KANK1: variants seen among roughly 807,000 people sequenced by gnomAD.
The protein encoded by KANK1 is KN motif and ankyrin repeat domain-containing protein 1.
A neutral mutation model predicts 106.2 loss-of-function variants in KANK1; 109 were observed. The observed-to-expected ratio is 1.03, with a 90% CI of 0.88 to 1.20. The LOEUF (loss-of-function observed/expected upper bound fraction) is 1.20, where lower values mean the gene tolerates loss of function less well. Ranked by LOEUF, KANK1 falls within the 50% of genes most tolerant of loss-of-function variation. The pLI, the probability that KANK1 is intolerant of heterozygous loss-of-function variation, is 0.00. For missense variants in KANK1, 2,399 were observed against 1,710.7 expected (o/e 1.40, Z -7.10); for synonymous variants, 873 against 652.2 (o/e 1.34, Z -5.16).
intron 1 of KANK1, among the ~76,000 whole-genome samples, chr9:565,179 G>T (rs528343620): frequency 1.3e-5 from 2 of 152,186 alleles, no homozygotes; most frequent in African/African-American, 2.4e-5. Context: ...AAATTAATCA[G>T]AGAGCTGGAG....
In KANK1 at chr9:732,362, C is replaced by T. The variant is rs201388080; in HGVS notation, c.3006-16C>T. On this transcript the variant is annotated splice_polypyrimidine_tract_variant and intron_variant, in intron 5 of 11. Transcript: ENST00000382297. ...GAGCACACCTTGCATCTCCTGAAAT[C>T]CCAATTGCCACCTAGGTATGAAACA... is the stretch of plus-strand genomic sequence containing the variant. The T allele has an allele frequency of 5.2e-5, 84 of 1,601,370 alleles. 1 individual carries two copies. In the South Asian group the frequency reaches 9.1e-4, roughly 17 times the overall value.
intron 1 of KANK1, among the ~76,000 whole-genome samples, chr9:583,518 CA>C: frequency 6.6e-6 from 1 of 152,038 alleles, no homozygotes; most frequent in African/African-American, 2.4e-5. Context: ...ATACACATGA[CA>C]AAGCTTAATA....
chr9:623,138 GAA>G (rs1369078171), intron 1 of KANK1, among the ~76,000 whole-genome samples: 1 of 151,888 alleles, frequency 6.6e-6, no homozygotes, highest in Admixed American at 6.6e-5. Context: ...GGCTGGGAGA[GAA>G]TGTCTACAAA....
intron 1 of KANK1, among the ~76,000 whole-genome samples, chr9:670,555 C>T (rs1316855871): frequency 6.6e-6 from 1 of 152,122 alleles, no homozygotes; most frequent in East Asian, 1.9e-4. Context: ...TATGGAAAGG[C>T]TGGCTAGGAG....
intron 1 of KANK1, among the ~76,000 whole-genome samples, chr9:619,907 C>G (rs999342448): frequency 6.6e-6 from 1 of 151,978 alleles, no homozygotes; most frequent in Non-Finnish European, 1.5e-5. Flanking sequence ...GAGTCTGAGG[C>G]GAGCAGATCA....
chr9:689,826 G>C (rs1819450603), intron 2 of KANK1, among the ~76,000 whole-genome samples: 1 of 152,140 alleles, frequency 6.6e-6, no homozygotes, highest in South Asian at 2.1e-4. Flanking sequence ...CCCTCAGCGT[G>C]GGGTAGCAGA....
At chr9:557,564 T>C (rs983653810) in intron 1 of KANK1, among the ~76,000 whole-genome samples, 7 of 152,204 alleles carry the variant, frequency 4.6e-5, no homozygotes, top group Admixed American at 4.6e-4. Flanking sequence ...GGTAGGGGGC[T>C]ATTGAAAAAT....
At chr9:604,760 A>T (rs1828667261) in intron 1 of KANK1, among the ~76,000 whole-genome samples, 2 of 151,750 alleles carry the variant, frequency 1.3e-5, no homozygotes, top group African/African-American at 4.9e-5. Flanking sequence ...AACCTGACAG[A>T]TGGAGGTTAC....
chr9:487,400 G>A (rs1448732800), intron 3 of KANK1, among the ~76,000 whole-genome samples: 3 of 152,176 alleles, frequency 2.0e-5, no homozygotes, highest in Admixed American at 6.5e-5. Flanking sequence ...AATGTTCTGA[G>A]CGATTTAAGG....
chr9:580,491 CCATTTTGACAGGGTGCTGATTGGTG>C (rs1381837598), intron 1 of KANK1, among the ~76,000 whole-genome samples: 1 of 152,188 alleles, frequency 6.6e-6, no homozygotes, highest in African/African-American at 2.4e-5. Flanking sequence ...GCTGATTGGT[CCATTTTGACAGGGTGCTGATTGGTG>C]CATTTACAAT....
At chr9:592,674 A>G (rs1056791242) in intron 1 of KANK1, among the ~76,000 whole-genome samples, 12 of 151,990 alleles carry the variant, frequency 7.9e-5, no homozygotes, top group Admixed American at 6.5e-4. Flanking sequence ...TTCATCTCAC[A>G]TTTTAAAATA....
At chr9:564,537 A>G (rs1324227514) in intron 1 of KANK1, among the ~76,000 whole-genome samples, 1 of 152,198 alleles carries the variant, frequency 6.6e-6, no homozygotes, top group African/African-American at 2.4e-5. Flanking sequence ...CTAATATGAA[A>G]CATACATAGT....
At chr9:660,226 A>T in intron 1 of KANK1, 1 of 259,108 alleles carries the variant, frequency 3.9e-6, no homozygotes, top group South Asian at 5.5e-5. Context: ...CAGAATATGG[A>T]GGTCATTCAG....
chr9:539,353 T>C (rs1194354317), intron 1 of KANK1, among the ~76,000 whole-genome samples: 3 of 152,248 alleles, frequency 2.0e-5, no homozygotes, highest in African/African-American at 4.8e-5. Flanking sequence ...TGAACAGTTT[T>C]AACAGTGTTA....
chr9:631,621 C>G (rs1023455291), intron 1 of KANK1, among the ~76,000 whole-genome samples: 8 of 152,188 alleles, frequency 5.3e-5, no homozygotes, highest in African/African-American at 9.7e-5. Context: ...GAAAACTAAC[C>G]CAATATGGTG....
intron 1 of KANK1, among the ~76,000 whole-genome samples, chr9:666,425 T>A (rs987729277): frequency 6.6e-6 from 1 of 151,932 alleles, no homozygotes; most frequent in African/African-American, 2.4e-5. Flanking sequence ...TTCTTTCCAA[T>A]ATGAACACCT....
intron 1 of KANK1, among the ~76,000 whole-genome samples, chr9:620,691 C>G (rs1832944855): frequency 6.6e-6 from 1 of 152,008 alleles, no homozygotes; most frequent in Admixed American, 6.6e-5. Flanking sequence ...AGGCGTGAGC[C>G]AACTTTTAAA....
chr9:582,124 C>G (rs1478336294), intron 1 of KANK1, among the ~76,000 whole-genome samples: 1 of 152,202 alleles, frequency 6.6e-6, no homozygotes, highest in Non-Finnish European at 1.5e-5. Context: ...AGAGGCGCTG[C>G]TTCTCTGTGG....
intron 1 of KANK1, among the ~76,000 whole-genome samples, chr9:510,891 A>C (rs1236556328): frequency 1.3e-5 from 2 of 152,204 alleles, no homozygotes; most frequent in African/African-American, 4.8e-5. Context: ...TAATTTCTCT[A>C]AGATGAAGGC....
Sources: allele counts gnomAD v4.1 joint callset (sites outside exome capture counted in the v4.1 genomes callset), GRCh38; gene constraint gnomAD v4.1.1; transcripts MANE v1.5; gene names NCBI Gene and HGNC (gene_info 2026-07-23, HGNC 2026-07-21).